Variants in CARD8 observed in about 807,000 individuals in gnomAD.
CARD8 encodes caspase recruitment domain family member 8, also known as caspase recruitment domain-containing protein 8.
In CARD8, 38 loss-of-function variants were observed where a neutral mutation model predicts 53.2. The ratio of observed to expected loss-of-function variants is 0.71; its 90% CI spans 0.55 to 0.94. CARD8 has a LOEUF of 0.94. Ranked by LOEUF, CARD8 falls within the 40% of genes least tolerant of loss-of-function variation. The probability of loss-of-function intolerance (pLI) is 0.00; values close to 1 mark genes in which losing one functional copy is unlikely to be tolerated. For synonymous variants in CARD8, 245 were observed against 244.9 expected (o/e 1.00, Z 0.00); for missense variants, 561 against 655.5 (o/e 0.86, Z 1.57).
downstream of CARD8, among the ~76,000 whole-genome samples, chr19:48,207,734 G>GTTTTTTGTTTTTTTT (rs2037429240): frequency 8.6e-6 from 1 of 116,552 alleles, no homozygotes; most frequent in African/African-American, 3.7e-5. Context: ...TTGTTTTTCT[G>GTTTTTTGTTTTTTTT]TTTTTTTTTT....
Position 48,211,705 on chromosome 19 carries a change from T to C in CARD8, c.*5A>G. 2 of 1,612,868 alleles carry C rather than the reference T, an allele frequency of 1.2e-6. No homozygotes were observed. The highest frequency in any genetic ancestry group is 1.7e-6 in the Non-Finnish European group (2 of 1,179,288). On this transcript the variant is annotated 3_prime_UTR_variant, in exon 14 of 14. Transcript: ENST00000651546. ...CTCTCTTCCAGACTACCTAACTGAC[T>C]CATTTTACAAATTCTGCTGTCTAAG...
intron 12 of CARD8, among the ~76,000 whole-genome samples, chr19:48,218,190 A>G (rs758754774): frequency 6.7e-6 from 1 of 148,458 alleles, no homozygotes; most frequent in Non-Finnish European, 1.5e-5. Context: ...AGAACATTTT[A>G]TTTTATTCAA....
intron 4 of CARD8, 64 bp from the exon 5 acceptor site, chr19:48,238,596 T>C: frequency 6.8e-7 from 1 of 1,469,998 alleles, no homozygotes; most frequent in Non-Finnish European, 9.2e-7. Flanking sequence ...TGGGACAATC[T>C]CCTCACTGTG....
chr19:48,235,211 T>C (rs755208512), intron 5 of CARD8, among the ~76,000 whole-genome samples: 4 of 152,186 alleles, frequency 2.6e-5, no homozygotes, highest in Admixed American at 6.5e-5. Context: ...TTTTGAAGGC[T>C]TGGTGCTGTC....
At chr19:48,251,772 G>A (rs1307950309) in intron 1 of CARD8, among the ~76,000 whole-genome samples, 4 of 152,052 alleles carry the variant, frequency 2.6e-5, no homozygotes, top group African/African-American at 9.7e-5. Context: ...TAAATGTCAT[G>A]GTGATTCGCC....
chr19:48,230,600 C>T lies in CARD8; in HGVS notation c.873G>A (p.Leu291=). 6.2e-7 allele frequency: 1 copy of T among 1,614,128 alleles called. No homozygotes were observed. Among genetic ancestry groups the T allele is most frequent in the Admixed American group, 1.7e-5 (1 of 60,018 alleles). The change falls in exon 10 of 14, where the codon CTG becomes CTA. Residue 291 remains leucine, a synonymous_variant. Transcript: ENST00000651546. ...PARVEPFYAV[L]ESPSFSLMGI... is the part of the protein sequence containing the mutation. ...CCATCAGAGAGAAGCTGGGGCTTTC[C>T]AGGACAGCATAGAAAGGCTCCACCC...
At chr19:48,213,595 A>G (rs552358587) in intron 13 of CARD8, among the ~76,000 whole-genome samples, 50 of 152,274 alleles carry the variant, frequency 3.3e-4, no homozygotes, top group Admixed American at 7.2e-4. Flanking sequence ...GCTGGTCTCA[A>G]ACTCCTGACC....
intron 5 of CARD8, among the ~76,000 whole-genome samples, chr19:48,236,836 G>A (rs1460728416): frequency 1.3e-5 from 2 of 151,702 alleles, no homozygotes; most frequent in Admixed American, 6.6e-5. Context: ...GTGCAATGGC[G>A]TGATCTTGGC....
intron 11 of CARD8, among the ~76,000 whole-genome samples, chr19:48,220,567 G>A (rs1476644531): frequency 6.6e-6 from 1 of 152,124 alleles, no homozygotes; most frequent in Non-Finnish European, 1.5e-5. Flanking sequence ...GGTATATTGT[G>A]CTGGACAACC....
chr19:48,243,405 T>C (rs1009000987), intron 3 of CARD8, among the ~76,000 whole-genome samples: 1 of 152,206 alleles, frequency 6.6e-6, no homozygotes, highest in Non-Finnish European at 1.5e-5. Context: ...TGAATGTCTA[T>C]TTATATGCAT....
At chr19:48,252,808 T>TATATACAC (rs113740488) in intron 1 of CARD8, among the ~76,000 whole-genome samples, 4,675 of 148,238 alleles carry the variant, frequency 0.032, 236 homozygotes, top group East Asian at 0.23. Flanking sequence ...TATCAGTATA[T>TATATACAC]ACACACACAC....
chr19:48,240,908 G>T (rs569578420), intron 4 of CARD8, 54 bp downstream of exon 4: 2 of 1,384,346 alleles, frequency 1.4e-6, no homozygotes, highest in South Asian at 2.5e-5. Flanking sequence ...GAACTATAAC[G>T]AAACACAGAA....
downstream of CARD8, among the ~76,000 whole-genome samples, chr19:48,207,734 G>GGTTTTTTTTTT (rs1555790115): frequency 1.7e-5 from 2 of 116,550 alleles, no homozygotes; most frequent in African/African-American, 7.4e-5. Flanking sequence ...TTGTTTTTCT[G>GGTTTTTTTTTT]TTTTTTTTTT....
In CARD8 at chr19:48,211,604, C is replaced by T; in HGVS notation, c.*106G>A. Reference sequence around the variant, plus strand: ...GAAAGCCTGTGTGATAGATGTTACCCAGTCTTCTTCTGTCTTGAACACTGA... The same window carrying T: ...GAAAGCCTGTGTGATAGATGTTACCTAGTCTTCTTCTGTCTTGAACACTGA... On this transcript the variant is annotated 3_prime_UTR_variant, in exon 14 of 14. Coordinates refer to ENST00000651546, the MANE Select transcript of CARD8 (RefSeq NM_001184900.3). 2.7e-6 allele frequency: 3 copies of T among 1,114,536 alleles called. No individual in the cohort carries two copies. The highest frequency in any genetic ancestry group is 3.9e-6 in the Non-Finnish European group (3 of 770,500). The allele number at this position is 1,114,536 out of a possible 1,614,324, so 69.0% of individuals were successfully genotyped here. A position where few individuals can be genotyped will look rare whatever the true frequency, so the allele number is the denominator to read the frequency against.
At chr19:48,220,392 CTT>C (rs368910009) in intron 11 of CARD8, among the ~76,000 whole-genome samples, 2 of 152,198 alleles carry the variant, frequency 1.3e-5, no homozygotes, top group African/African-American at 2.4e-5. Context: ...ACCTAACCCT[CTT>C]GTTTCTCACC....
intron 6 of CARD8, 73 bp downstream of exon 6, chr19:48,234,321 CCAAATTCCT>C: frequency 7.1e-7 from 1 of 1,417,192 alleles, no homozygotes; most frequent in Non-Finnish European, 9.6e-7. Flanking sequence ...TGAAAAACAC[CCAAATTCCT>C]CTAATTCTCA....
At chr19:48,221,991 C>T (rs13343747) in intron 10 of CARD8, 136 bp from the exon 11 acceptor site, 7,643 of 573,948 alleles carry the variant, frequency 0.013, 446 homozygotes, top group African/African-American at 0.13. Context: ...AGGTATTCAA[C>T]TGATATAAAG....
At position 48,211,475 on chromosome 19, in the gene CARD8, T is replaced by C. The variant is rs146401263; in HGVS notation, c.*235A>G. 9 of 481,876 alleles carry C rather than the reference T, an allele frequency of 1.9e-5. No homozygotes were observed. The highest frequency in any genetic ancestry group is 1.1e-4 in the Admixed American group (3 of 27,014). 29.9% of individuals were successfully genotyped at this position (481,876 alleles called of 1,614,324 possible). Reference sequence around the variant, plus strand: ...AAAATAGTGATATATCAAGCAATGGTTGGAAAAAATTTAAAAGGAATATTA... The same window carrying C: ...AAAATAGTGATATATCAAGCAATGGCTGGAAAAAATTTAAAAGGAATATTA... On this transcript the variant is annotated 3_prime_UTR_variant, in exon 14 of 14. Transcript: ENST00000651546.
At chr19:48,230,283 A>G (rs1199852021) in intron 10 of CARD8, among the ~76,000 whole-genome samples, 155 bp downstream of exon 10, 1 of 152,190 alleles carries the variant, frequency 6.6e-6, no homozygotes, top group East Asian at 1.9e-4. Flanking sequence ...CTCCAGAGTC[A>G]GCACCTTGGA....
Sources: gnomAD v4.1 joint callset for allele counts (sites outside exome capture counted in the v4.1 genomes callset) on GRCh38, gnomAD v4.1.1 for gene constraint, MANE v1.5 for transcripts, NCBI Gene and HGNC (gene_info 2026-07-23, HGNC 2026-07-21) for gene names.